TAX1BP1: variants seen among roughly 807,000 people sequenced by gnomAD.
TAX1BP1 encodes the protein tax1-binding protein 1.
TAX1BP1 carries 62 observed loss-of-function variants against 97.7 expected under a neutral mutation model. The ratio of observed to expected loss-of-function variants is 0.63; its 90% CI spans 0.52 to 0.78. The LOEUF is 0.78. TAX1BP1 is among the 30% of genes least tolerant of loss of function. TAX1BP1 has a pLI of 0.00. For missense variants in TAX1BP1, 867 were observed against 916.1 expected, an observed-to-expected ratio of 0.95 and a Z score of 0.69; for synonymous variants, 340 against 304.2, an observed-to-expected ratio of 1.12 and a Z score of -1.23.
intron 9 of TAX1BP1, 118 bp from the exon 10 acceptor site, chr7:27,792,948 C>G: frequency 1.1e-6 from 1 of 890,932 alleles, no homozygotes; most frequent in East Asian, 3.0e-5. Context: ...GGTGACAGAG[C>G]AAGACTCTGT....
chr7:27,783,076 G>A (rs1789325602), intron 5 of TAX1BP1, among the ~76,000 whole-genome samples: 1 of 152,122 alleles, frequency 6.6e-6, no homozygotes. Context: ...TGGGAGGAAA[G>A]TCCCTGCATG....
chr7:27,801,006 A>G (rs1310240476), intron 13 of TAX1BP1, among the ~76,000 whole-genome samples: 2 of 151,332 alleles, frequency 1.3e-5, no homozygotes, highest in Non-Finnish European at 2.9e-5. Context: ...CGGGAGGCTG[A>G]GGCAGGAGAA....
At chr7:27,757,456 G>C (rs1160394063) in intron 2 of TAX1BP1, among the ~76,000 whole-genome samples, 4 of 152,038 alleles carry the variant, frequency 2.6e-5, no homozygotes, top group African/African-American at 9.7e-5. Flanking sequence ...GTGGATTTAG[G>C]GGGAGGCAGA....
intron 4 of TAX1BP1, among the ~76,000 whole-genome samples, chr7:27,769,159 G>T (rs1207523339): frequency 6.6e-6 from 1 of 151,758 alleles, no homozygotes; most frequent in South Asian, 2.1e-4. Context: ...CCAAGTAGAG[G>T]CCATTTTATA....
intron 13 of TAX1BP1, among the ~76,000 whole-genome samples, chr7:27,800,726 T>G (rs899053157): frequency 3.3e-5 from 5 of 152,172 alleles, no homozygotes; most frequent in Admixed American, 1.3e-4. Context: ...TAAAAGCAAG[T>G]GATGTAATCT....
intron 1 of TAX1BP1, among the ~76,000 whole-genome samples, chr7:27,740,617 A>G (rs1406669425): frequency 2.0e-5 from 3 of 151,922 alleles, no homozygotes; most frequent in Admixed American, 2.0e-4. Flanking sequence ...GCGACCCCCG[A>G]AGGAAAAGCT....
In TAX1BP1 at chr7:27,785,211, A is replaced by G; in HGVS notation, c.661A>G (p.Lys221Glu). Residue 221 changes from lysine to glutamate, a missense_variant, in exon 6 of 17, where the codon AAG (lysine) becomes GAG (glutamate). Transcript: ENST00000396319. ...QSLKMENEEF[K>E]KRFSDATSKA... ...CTTAAAAATGGAAAATGAAGAGTTT[A>G]AGAAGAGGTTCAGTGATGCTACATC... 1.2e-6 allele frequency: 2 copies of G among 1,613,134 alleles called. No individual in the cohort carries two copies. Among genetic ancestry groups the G allele is most frequent in the Non-Finnish European group, 1.7e-6 (2 of 1,179,466 alleles).
intron 7 of TAX1BP1, among the ~76,000 whole-genome samples, chr7:27,786,408 G>A (rs969952634): frequency 2.0e-5 from 3 of 152,068 alleles, no homozygotes; most frequent in Admixed American, 6.6e-5. Flanking sequence ...GGCGTGAGCC[G>A]CCGTGCCTGG....
Position 27,800,031 on chromosome 7 carries a change from C to A in TAX1BP1, c.1705C>A (p.Gln569Lys). 2 of 1,603,278 alleles carry A rather than the reference C, an allele frequency of 1.2e-6. No homozygotes were observed. The highest frequency in any genetic ancestry group is 8.5e-7 in the Non-Finnish European group (1 of 1,175,120). Reference sequence around the variant, plus strand: ...AAAAATGGAGCTGAAATGGAAAGAACAAGTGAAAATTGCTGAAAATGTAAA... The same window carrying A: ...AAAAATGGAGCTGAAATGGAAAGAAAAAGTGAAAATTGCTGAAAATGTAAA... ...LAKMELKWKEQVKIAENVKLE... is the reference protein window; with the variant it reads ...LAKMELKWKEKVKIAENVKLE... The change falls in exon 13 of 17, where the codon CAA (glutamine) becomes AAA (lysine). Residue 569 changes from glutamine to lysine, a missense_variant. Gln to Lys is a moderately conservative substitution (Grantham distance 53). Around this residue, in one of 3 missense-constraint regions of TAX1BP1, gnomAD observed 822 missense variants for 851.4 expected, o/e 0.97. Transcript: ENST00000396319.
chr7:27,751,507 A>G (rs1011557524), intron 2 of TAX1BP1, among the ~76,000 whole-genome samples: 1 of 152,190 alleles, frequency 6.6e-6, no homozygotes, highest in African/African-American at 2.4e-5. Flanking sequence ...TGGAATTTAC[A>G]TTGTTGCTAA....
Position 27,796,101 on chromosome 7 carries a change from T to A in TAX1BP1, c.1535-15T>A, listed in dbSNP as rs1789922603. ...AAAATACTTTTTAACAGTCTTATATTCTGCCTTTCTACAGCAGAGGCAGAT... is the reference window on the plus strand; with the variant it reads ...AAAATACTTTTTAACAGTCTTATATACTGCCTTTCTACAGCAGAGGCAGAT... On this transcript the variant is annotated splice_polypyrimidine_tract_variant and intron_variant, in intron 11 of 16. Transcript: ENST00000396319. 1.3e-6 allele frequency: 2 copies of A among 1,598,344 alleles called. No individual in the cohort carries two copies. The highest frequency in any genetic ancestry group is 1.7e-6 in the Non-Finnish European group (2 of 1,171,302).
In TAX1BP1 at chr7:27,800,043, G is replaced by C; in HGVS notation, c.1717G>C (p.Ala573Pro). ...GAAATGGAAAGAACAAGTGAAAATTGCTGAAAATGTAAAACTTGAACTAGC... is the reference window on the plus strand; with the variant it reads ...GAAATGGAAAGAACAAGTGAAAATTCCTGAAAATGTAAAACTTGAACTAGC... ...ELKWKEQVKI[A>P]ENVKLELAEV... The change falls in exon 13 of 17, where the codon GCT (alanine) becomes CCT (proline). Residue 573 changes from alanine to proline, a missense_variant. By Grantham distance (27) the Ala-to-Pro change is conservative. Transcript: ENST00000396319. 6.2e-7 allele frequency: 1 copy of C among 1,600,880 alleles called. No homozygotes were observed. Among genetic ancestry groups the C allele is most frequent in the Non-Finnish European group, 8.5e-7 (1 of 1,173,886 alleles).
At chr7:27,821,750 T>G (rs1790986025) in intron 15 of TAX1BP1, among the ~76,000 whole-genome samples, 1 of 152,176 alleles carries the variant, frequency 6.6e-6, no homozygotes, top group African/African-American at 2.4e-5. Flanking sequence ...TTCACAGAGC[T>G]GTGCAACCAT....
intron 11 of TAX1BP1, among the ~76,000 whole-genome samples, chr7:27,795,897 T>G (rs1282559916): frequency 1.3e-5 from 2 of 152,180 alleles, no homozygotes; most frequent in Non-Finnish European, 2.9e-5. Flanking sequence ...CCTTTATTAT[T>G]GAATGCGAAC....
chr7:27,816,468 T>C lies in TAX1BP1; in HGVS notation c.1884T>C (p.Asn628=), dbSNP rs753091132. 1 of 1,564,022 alleles carries C rather than the reference T, an allele frequency of 6.4e-7. No homozygotes were observed. The highest frequency in any genetic ancestry group is 8.6e-7 in the Non-Finnish European group (1 of 1,165,204). The change falls in exon 14 of 17, where the codon AAT becomes AAC. Residue 628 remains asparagine, a synonymous_variant. Transcript: ENST00000396319. ...ATGGTTATGTTCTCACATTGTCAAA[T>C]GCACAACCAGTTCTGCAATATGGTA... is the stretch of plus-strand genomic sequence containing the variant. ...EQNGYVLTLS[N]AQPVLQYGNP...
chr7:27,787,830 G>T (rs1789545095), intron 8 of TAX1BP1, among the ~76,000 whole-genome samples: 1 of 151,860 alleles, frequency 6.6e-6, no homozygotes, highest in Non-Finnish European at 1.5e-5. Context: ...GATGTGAGTT[G>T]CAAGTATTAC....
chr7:27,778,889 T>C (rs1789136607), intron 5 of TAX1BP1, among the ~76,000 whole-genome samples: 1 of 150,968 alleles, frequency 6.6e-6, no homozygotes, highest in Non-Finnish European at 1.5e-5. Context: ...ACAATTTGGA[T>C]GGTTTTTTGT....
rs1790069189 is a variant in TAX1BP1, at chr7:27,799,948, A to G, written c.1639-17A>G. On this transcript the variant is annotated splice_polypyrimidine_tract_variant and intron_variant, in intron 12 of 16. Coordinates refer to ENST00000396319, the MANE Select transcript of TAX1BP1 (RefSeq NM_006024.7). ...ATGAATTTAAAATCTTTTGGTAATTATACTAATTTCATTTAGGATGAGAAA... is the reference window on the plus strand; with the variant it reads ...ATGAATTTAAAATCTTTTGGTAATTGTACTAATTTCATTTAGGATGAGAAA... 1 of 1,578,038 alleles carries G rather than the reference A, an allele frequency of 6.3e-7. No individual in the cohort carries two copies. Among genetic ancestry groups the G allele is most frequent in the South Asian group, 1.2e-5 (1 of 84,744 alleles).
chr7:27,801,176 G>A (rs528395084), intron 13 of TAX1BP1, among the ~76,000 whole-genome samples: 50 of 144,696 alleles, frequency 3.5e-4, no homozygotes, highest in African/African-American at 1.2e-3. Context: ...GTAGAAATAT[G>A]TATTTCTTCT....
Sources: allele counts gnomAD v4.1 joint callset (sites outside exome capture counted in the v4.1 genomes callset), GRCh38; gene constraint gnomAD v4.1.1; regional missense constraint gnomAD v4.1.1; transcripts MANE v1.5; gene names NCBI Gene and HGNC (gene_info 2026-07-23, HGNC 2026-07-21).